The following ITPKB variants were observed in gnomAD, a reference collection of about 807,000 sequenced individuals.
ITPKB encodes the protein IP3 3-kinase B.
A neutral mutation model predicts 69.4 loss-of-function variants in ITPKB; 13 were observed. The observed-to-expected ratio is 0.19, with a 90% confidence interval of 0.12 to 0.30. The LOEUF (loss-of-function observed/expected upper bound fraction) is 0.30. Among genes scored for constraint, ITPKB ranks in the 10% least tolerant of loss-of-function variants. The pLI is 1.00. For missense variants in ITPKB, 1,240 were observed against 1,250.5 expected, an observed-to-expected ratio of 0.99 and a Z score of 0.13; for synonymous variants, 584 against 513.7, an observed-to-expected ratio of 1.14 and a Z score of -1.85.
intron 2 of ITPKB, among the ~76,000 whole-genome samples, chr1:226,654,630 C>T (rs1308429184): frequency 1.3e-5 from 2 of 152,176 alleles, no homozygotes; most frequent in African/African-American, 2.4e-5. Flanking sequence ...CCACCTCCAG[C>T]CCATCCTTGG....
intron 2 of ITPKB, among the ~76,000 whole-genome samples, chr1:226,693,206 G>T (rs545471097): frequency 1.3e-5 from 2 of 152,320 alleles, no homozygotes; most frequent in African/African-American, 4.8e-5. Flanking sequence ...TGCAGTTTCT[G>T]TTGGGAATAG....
chr1:226,647,799 G>C (rs1223394012), intron 3 of ITPKB, among the ~76,000 whole-genome samples: 1 of 152,252 alleles, frequency 6.6e-6, no homozygotes, highest in Non-Finnish European at 1.5e-5. Flanking sequence ...AGCCAAGGTG[G>C]GGAGATACAG....
At chr1:226,686,346 G>C (rs755385401) in intron 2 of ITPKB, among the ~76,000 whole-genome samples, 5 of 152,240 alleles carry the variant, frequency 3.3e-5, no homozygotes, top group Non-Finnish European at 5.9e-5. Context: ...GGAAGCCATA[G>C]TCAGTTTCAA....
intron 2 of ITPKB, among the ~76,000 whole-genome samples, chr1:226,650,546 A>T (rs1287116568): frequency 6.6e-6 from 1 of 152,262 alleles, no homozygotes; most frequent in Non-Finnish European, 1.5e-5. Flanking sequence ...GCAACAATGG[A>T]AAAACCTCAT....
chr1:226,698,285 G>A (rs1656542789), intron 2 of ITPKB, among the ~76,000 whole-genome samples: 2 of 152,226 alleles, frequency 1.3e-5, no homozygotes, highest in Admixed American at 1.3e-4. Flanking sequence ...GATCCCTAAA[G>A]CAGCTACGAC....
chr1:226,676,115 C>T (rs1401148689), intron 2 of ITPKB: 1 of 152,204 alleles, frequency 6.6e-6, no homozygotes, highest in Non-Finnish European at 1.5e-5. Flanking sequence ...TGTTCTGAGT[C>T]ATATTTTCCA....
intron 2 of ITPKB, among the ~76,000 whole-genome samples, chr1:226,699,309 G>C (rs1203906930): frequency 6.6e-6 from 1 of 152,232 alleles, no homozygotes; most frequent in Non-Finnish European, 1.5e-5. Context: ...GAGGATCTCT[G>C]CACCGCCAAG....
chr1:226,737,285 G>A lies in ITPKB; in HGVS notation c.174C>T (p.Phe58=), dbSNP rs748732202. 7 of 1,558,988 alleles carry A rather than the reference G, an allele frequency of 4.5e-6. No individual in the cohort carries two copies. The highest frequency in any genetic ancestry group is 2.3e-5 in the South Asian group (2 of 87,496). Residue 58 remains phenylalanine (F), a synonymous_variant, in exon 2 of 8, where the codon TTC becomes TTT. Coordinates refer to ENST00000429204, the MANE Select transcript of ITPKB (RefSeq NM_002221.4). ...CGGGGGACAGCGACTCGGCTGGGGG[G>A]AAGAGGAAAGAGGCGCCTCTCCCGG... is the stretch of plus-strand genomic sequence containing the variant. The part of the protein sequence containing the change: ...FSPGRGASFL[F]PPAESLSPEE...
chr1:226,643,818 T>C (rs201277549), intron 4 of ITPKB, among the ~76,000 whole-genome samples: 4 of 125,668 alleles, frequency 3.2e-5, no homozygotes, highest in Non-Finnish European at 3.7e-5. Context: ...TACACACACA[T>C]GTGCTCATGC....
intron 2 of ITPKB, among the ~76,000 whole-genome samples, chr1:226,730,069 G>C (rs1476316668): frequency 6.6e-6 from 1 of 152,156 alleles, no homozygotes; most frequent in Non-Finnish European, 1.5e-5. Flanking sequence ...TGAATGAAGG[G>C]GGCCCAGTGA....
intron 2 of ITPKB, among the ~76,000 whole-genome samples, chr1:226,652,254 C>T (rs1669209507): frequency 6.6e-6 from 1 of 152,218 alleles, no homozygotes; most frequent in Admixed American, 6.5e-5. Flanking sequence ...GAGGAGATTC[C>T]AGAGAATCAA....
At chr1:226,705,623 T>C (rs181886876) in intron 2 of ITPKB, among the ~76,000 whole-genome samples, 50 of 152,146 alleles carry the variant, frequency 3.3e-4, no homozygotes, top group Non-Finnish European at 4.7e-4. Flanking sequence ...GATGTGCCTA[T>C]GGGCACATAC....
At chr1:226,677,754 C>A (rs1044648144) in intron 2 of ITPKB, among the ~76,000 whole-genome samples, 2 of 152,170 alleles carry the variant, frequency 1.3e-5, no homozygotes, top group African/African-American at 4.8e-5. Flanking sequence ...ACATGTGTTC[C>A]CTCCTCATAA....
At chr1:226,713,168 C>T (rs950857737) in intron 2 of ITPKB, among the ~76,000 whole-genome samples, 5 of 152,158 alleles carry the variant, frequency 3.3e-5, no homozygotes, top group South Asian at 2.1e-4. Context: ...GAGGAGACTC[C>T]GGACCCAGCT....
At chr1:226,683,496 A>T (rs1384158521) in intron 2 of ITPKB, among the ~76,000 whole-genome samples, 1 of 152,108 alleles carries the variant, frequency 6.6e-6, no homozygotes, top group Middle Eastern at 3.2e-3. Context: ...ATTTGAACCC[A>T]TGTATATGTA....
intron 2 of ITPKB, among the ~76,000 whole-genome samples, chr1:226,673,951 C>T (rs1669674171): frequency 6.6e-6 from 1 of 152,128 alleles, no homozygotes; most frequent in African/African-American, 2.4e-5. Flanking sequence ...CCTTTCTTCC[C>T]CATGACTTTC....
chr1:226,721,823 T>G (rs971170463), intron 2 of ITPKB, among the ~76,000 whole-genome samples: 12 of 149,614 alleles, frequency 8.0e-5, no homozygotes, highest in African/African-American at 2.7e-4. Context: ...TTTCTTTTTT[T>G]TTTTCTTGAG....
chr1:226,731,384 A>T (rs1228213052), intron 2 of ITPKB, among the ~76,000 whole-genome samples: 1 of 152,236 alleles, frequency 6.6e-6, no homozygotes. Flanking sequence ...TATGGCAAAG[A>T]GATAGAAGAT....
intron 2 of ITPKB, among the ~76,000 whole-genome samples, chr1:226,703,422 T>G (rs1656716324): frequency 6.6e-6 from 1 of 152,200 alleles, no homozygotes; most frequent in African/African-American, 2.4e-5. Flanking sequence ...GGCGGGGGAT[T>G]TCGGGCAGGG....
Sources: gnomAD v4.1 joint callset for allele counts (sites outside exome capture counted in the v4.1 genomes callset) on GRCh38, gnomAD v4.1.1 for gene constraint, MANE v1.5 for transcripts, NCBI Gene and HGNC (gene_info 2026-07-23, HGNC 2026-07-21) for gene names.